Variants in EDIL3 observed in about 807,000 individuals in gnomAD.
EDIL3 encodes EGF-like repeat and discoidin I-like domain-containing protein 3.
A neutral mutation model predicts 67.4 loss-of-function variants in EDIL3; 37 were observed. The ratio of observed to expected loss-of-function variants is 0.55; its 90% CI spans 0.42 to 0.72. The LOEUF (loss-of-function observed/expected upper bound fraction) is 0.72, where lower values mean the gene tolerates loss of function less well. Ranked by LOEUF, EDIL3 falls within the 30% of genes least tolerant of loss-of-function variation. The pLI is 0.00. For missense variants in EDIL3, 527 were observed against 586.3 expected, an observed-to-expected ratio of 0.90 and a Z score of 1.04; for synonymous variants, 195 against 196.3, an observed-to-expected ratio of 0.99 and a Z score of 0.05.
intron 3 of EDIL3, among the ~76,000 whole-genome samples, chr5:84,212,380 A>C (rs1051366899): frequency 7.2e-5 from 11 of 152,238 alleles, no homozygotes; most frequent in Non-Finnish European, 1.3e-4. Context: ...TACATACTAA[A>C]GGAATTCAAA....
At chr5:84,252,910 T>C (rs1280223095) in intron 2 of EDIL3, among the ~76,000 whole-genome samples, 4 of 152,148 alleles carry the variant, frequency 2.6e-5, no homozygotes, top group Non-Finnish European at 5.9e-5. Flanking sequence ...TGAAGATGAA[T>C]TAAATGAACA....
rs143561195 is a variant in EDIL3 at position 84,102,973 on chromosome 5, G to A, written c.651+3676C>T. On this transcript the variant is annotated intron_variant, in intron 6 of 10. Transcript: ENST00000296591. ...TTACCTGACTTCAAACTATACTATA[G>A]GGCTACAGTAACCAAAAGTACTGTT... 3.6e-4 allele frequency among the ~76,000 whole-genome samples: 54 copies of A among 151,960 alleles called. No homozygotes were observed. The East Asian group carries it at 9.3e-3, about 26-fold the overall frequency.
chr5:84,326,212 C>A (rs1041474141), intron 1 of EDIL3, among the ~76,000 whole-genome samples: 1 of 152,056 alleles, frequency 6.6e-6, no homozygotes, highest in African/African-American at 2.4e-5. Context: ...GTCCTCTCAA[C>A]CTTGGGCTTC....
chr5:84,017,764 A>T, intron 9 of EDIL3, among the ~76,000 whole-genome samples: 1 of 152,156 alleles, frequency 6.6e-6, no homozygotes, highest in Non-Finnish European at 1.5e-5. Flanking sequence ...TTTCTTTTTC[A>T]ATGATTACTT....
At chr5:84,041,758 A>T (rs1409527931) in intron 9 of EDIL3, among the ~76,000 whole-genome samples, 1 of 151,304 alleles carries the variant, frequency 6.6e-6, no homozygotes, top group Non-Finnish European at 1.5e-5. Context: ...CTTTGGATTC[A>T]TTACCGTGTA....
chr5:84,227,183 A>T (rs1321173032), intron 3 of EDIL3, among the ~76,000 whole-genome samples: 2 of 151,908 alleles, frequency 1.3e-5, no homozygotes, highest in African/African-American at 4.8e-5. Context: ...TGGACAGAAG[A>T]AGTCCTAGCC....
intron 9 of EDIL3, among the ~76,000 whole-genome samples, chr5:84,051,106 G>A (rs1746328415): frequency 6.6e-6 from 1 of 152,122 alleles, no homozygotes; most frequent in Non-Finnish European, 1.5e-5. Flanking sequence ...GTACCCCTCT[G>A]AGACAAAACC....
At chr5:84,230,877 AT>A (rs1340518141) in intron 2 of EDIL3, among the ~76,000 whole-genome samples, 1 of 151,902 alleles carries the variant, frequency 6.6e-6, no homozygotes, top group Non-Finnish European at 1.5e-5. Flanking sequence ...CGGAACCTGC[AT>A]TTTAAAGAGT....
chr5:84,005,240 T>C (rs1745391470), intron 9 of EDIL3, among the ~76,000 whole-genome samples: 1 of 152,150 alleles, frequency 6.6e-6, no homozygotes, highest in Admixed American at 6.6e-5. Flanking sequence ...AGCTGATTTC[T>C]TCCAGACTTA....
chr5:83,979,940 T>C (rs896463231), intron 9 of EDIL3, among the ~76,000 whole-genome samples: 8 of 152,144 alleles, frequency 5.3e-5, no homozygotes, highest in Admixed American at 1.3e-4. Context: ...CTCAGAAATT[T>C]GATGACATCA....
At chr5:84,088,221 C>T (rs1747105475) in intron 6 of EDIL3, among the ~76,000 whole-genome samples, 1 of 152,152 alleles carries the variant, frequency 6.6e-6, no homozygotes, top group African/African-American at 2.4e-5. Flanking sequence ...CATTCATCTA[C>T]TGTAGATTTG....
chr5:84,010,517 C>T (rs1195484796), intron 9 of EDIL3, among the ~76,000 whole-genome samples: 2 of 151,924 alleles, frequency 1.3e-5, no homozygotes, highest in East Asian at 3.9e-4. Flanking sequence ...CTATTTCCTC[C>T]AATTTTTTAA....
chr5:84,261,518 T>C (rs939378848), intron 1 of EDIL3, among the ~76,000 whole-genome samples: 6 of 152,232 alleles, frequency 3.9e-5, no homozygotes, highest in African/African-American at 1.4e-4. Flanking sequence ...AATCTGATTC[T>C]TACCTTCATA....
intron 6 of EDIL3, among the ~76,000 whole-genome samples, chr5:84,082,185 C>T (rs977881571): frequency 6.6e-6 from 1 of 152,160 alleles, no homozygotes; most frequent in African/African-American, 2.4e-5. Context: ...CCAAGTTTTG[C>T]TATGATAATA....
intron 1 of EDIL3, among the ~76,000 whole-genome samples, chr5:84,355,609 G>T (rs577818024): frequency 6.6e-6 from 1 of 152,244 alleles, no homozygotes; most frequent in Non-Finnish European, 1.5e-5. Flanking sequence ...GGTATCACCA[G>T]CGGAGGCTGC....
chr5:84,292,369 T>C (rs1745941203), intron 1 of EDIL3, among the ~76,000 whole-genome samples: 1 of 152,184 alleles, frequency 6.6e-6, no homozygotes, highest in African/African-American at 2.4e-5. Flanking sequence ...ACTCAGAATT[T>C]CAGAACCCAT....
At chr5:84,346,666 G>A (rs920172134) in intron 1 of EDIL3, among the ~76,000 whole-genome samples, 1 of 152,134 alleles carries the variant, frequency 6.6e-6, no homozygotes, top group African/African-American at 2.4e-5. Context: ...AGCTATTGGA[G>A]TTAACTCAGG....
intron 1 of EDIL3, among the ~76,000 whole-genome samples, chr5:84,365,775 T>C (rs2112206201): frequency 6.6e-6 from 1 of 152,246 alleles, no homozygotes; most frequent in African/African-American, 2.4e-5. Context: ...AGAATAACTT[T>C]CCCCTTTTAA....
chr5:84,146,334 A>T (rs1385241791), intron 4 of EDIL3, among the ~76,000 whole-genome samples: 1 of 152,122 alleles, frequency 6.6e-6, no homozygotes, highest in Admixed American at 6.6e-5. Context: ...TAAAGCCCAG[A>T]TAATTTAATT....
Sources: allele counts gnomAD v4.1 joint callset (sites outside exome capture counted in the v4.1 genomes callset), GRCh38; gene constraint gnomAD v4.1.1; transcripts MANE v1.5; gene names NCBI Gene and HGNC (gene_info 2026-07-23, HGNC 2026-07-21).